TBRG4: variants seen among roughly 807,000 people sequenced by gnomAD.
The protein encoded by TBRG4 is transforming growth factor beta regulator 4, also known as FAST kinase domain-containing protein 4.
In TBRG4, 43 loss-of-function variants were observed where a neutral mutation model predicts 65.6. The ratio of observed to expected loss-of-function variants is 0.66; its 90% CI spans 0.51 to 0.85. TBRG4 has a LOEUF of 0.85. Among genes scored for constraint, TBRG4 ranks in the 40% least tolerant of loss-of-function variants. The pLI, the probability that TBRG4 is intolerant of heterozygous loss-of-function variation, is 0.00. For synonymous variants in TBRG4, 366 were observed against 341.4 expected, an observed-to-expected ratio of 1.07 and a Z score of -0.79; for missense variants, 709 against 787.9, an observed-to-expected ratio of 0.90 and a Z score of 1.20.
intron 5 of TBRG4, 32 bp downstream of exon 5, chr7:45,104,067 C>T (rs1271651670): frequency 6.5e-7 from 1 of 1,548,302 alleles, no homozygotes. Context: ...AGGAAGCCAG[C>T]TTCTCTGAGT....
intron 10 of TBRG4, 99 bp from the exon 11 acceptor site, chr7:45,100,525 C>T: frequency 1.1e-6 from 1 of 912,960 alleles, no homozygotes. Flanking sequence ...GACCCCTCAC[C>T]CAACACCTCT....
chr7:45,106,861 CT>C (rs1730090231), intron 2 of TBRG4: 1 of 152,170 alleles, frequency 6.6e-6, no homozygotes, highest in Non-Finnish European at 1.5e-5. Context: ...AAACTGTTCT[CT>C]AACAAACCAA....
At chr7:45,105,964 C>T (rs756556187) in intron 2 of TBRG4, 200 bp from the exon 3 acceptor site, 54 of 797,760 alleles carry the variant, frequency 6.8e-5, no homozygotes, top group East Asian at 1.7e-4. Context: ...GAGGCCTAGA[C>T]GCTTGGTGTC....
rs772535565 is a variant in TBRG4 at position 45,109,083 on chromosome 7, C to T, written c.155G>A (p.Gly52Asp). Reference sequence around the variant, plus strand: ...CTTCTCCACCGGCTCCATCAAGGAACCTGGGAGGTGGGAAATGGGTGAGGT... The same window carrying T: ...CTTCTCCACCGGCTCCATCAAGGAATCTGGGAGGTGGGAAATGGGTGAGGT... ...SATSPISHLP[G>D]SLMEPVEKER... is the part of the protein sequence containing the mutation. The change falls in exon 2 of 11, where the codon GGT becomes GAT. Residue 52 changes from glycine to aspartate, a missense_variant. Gly to Asp is a moderately conservative substitution (Grantham distance 94, BLOSUM62 -1). Transcript: ENST00000258770. 5.6e-6 allele frequency: 9 copies of T among 1,614,114 alleles called. No individual in the cohort carries two copies. The highest frequency in any genetic ancestry group is 5.0e-5 in the Admixed American group (3 of 60,024).
Position 45,105,810 on chromosome 7 carries a change from C to T in TBRG4, c.412-46G>A, listed in dbSNP as rs151239675. 4 of 1,565,662 alleles carry T rather than the reference C, an allele frequency of 2.6e-6. 1 individual carries two copies. The Admixed American group carries it at 7.1e-5, about 28-fold the overall frequency. Reference sequence around the variant, plus strand: ...GGAGAAATGATGTGGCACTGTCAGTCCTGTGTGTGAGCTGGAGGCTACCTC... The same window carrying T: ...GGAGAAATGATGTGGCACTGTCAGTTCTGTGTGTGAGCTGGAGGCTACCTC... On this transcript the variant is annotated intron_variant, in intron 2 of 10. Coordinates refer to ENST00000258770, the MANE Select transcript of TBRG4 (RefSeq NM_004749.4).
intron 2 of TBRG4, chr7:45,107,901 G>A (rs1423038656): frequency 6.6e-6 from 1 of 152,336 alleles, no homozygotes. Flanking sequence ...ATTATGTACT[G>A]TAACCCCAGT....
chr7:45,103,998 G>C (rs1784853843), intron 5 of TBRG4, 101 bp downstream of exon 5: 1 of 1,410,758 alleles, frequency 7.1e-7, no homozygotes, highest in Admixed American at 2.8e-5. Flanking sequence ...CCCCACAAGT[G>C]AGCATTTTCA....
chr7:45,102,412 A>G lies in TBRG4; in HGVS notation c.1256T>C (p.Leu419Pro). The change falls in exon 7 of 11, where the codon CTG becomes CCG. Residue 419 changes from leucine (L) to proline (P), a missense_variant. Coordinates refer to ENST00000258770, the MANE Select transcript of TBRG4 (RefSeq NM_004749.4). ...CAGCTCTGCTTCCCGTGCCTGCTGC[A>G]GCACACACAGGGCCCACACCAGGTC... Reference protein sequence around the residue: ...QVDLVWALCVLQQAREAELQA... With the variant: ...QVDLVWALCVPQQAREAELQA... 1 of 1,614,022 alleles carries G rather than the reference A, an allele frequency of 6.2e-7. No homozygotes were observed.
At chr7:45,109,321 C>T (rs1785057862) in intron 1 of TBRG4, 34 bp from the exon 2 acceptor site, 1 of 1,483,546 alleles carries the variant, frequency 6.7e-7, no homozygotes, top group Non-Finnish European at 8.9e-7. Context: ...GGGGCTACTA[C>T]AGGGGCAGTT....
intron 1 of TBRG4, among the ~76,000 whole-genome samples, chr7:45,110,419 T>C (rs1004114306): frequency 6.6e-6 from 1 of 152,020 alleles, no homozygotes; most frequent in African/African-American, 2.4e-5. Flanking sequence ...GTAATCCCAG[T>C]ACTTTGGGAG....
Position 45,109,016 on chromosome 7 carries a change from G to A in TBRG4, c.222C>T (p.His74=), listed in dbSNP as rs774700328. ...STPYIEKQVD[H]LIKKATRPEE... ...CTGGCCTTGTGGCCTTCTTGATGAG[G>A]TGGTCCACCTGCTTCTCTATGTAGG... The change falls in exon 2 of 11, where the codon CAC becomes CAT. Residue 74 remains histidine (H), a synonymous_variant. Transcript: ENST00000258770. 1 of 1,611,904 alleles carries A rather than the reference G, an allele frequency of 6.2e-7. No homozygotes were observed. The highest frequency in any genetic ancestry group is 1.7e-5 in the Admixed American group (1 of 59,584).
In TBRG4 at chr7:45,104,248, T is replaced by C. The variant is rs771569133; in HGVS notation, c.916A>G (p.Ser306Gly). Residue 306 changes from serine to glycine, a missense_variant, in exon 5 of 11, where the codon AGC (serine) becomes GGC (glycine). Ser to Gly is a moderately conservative substitution (Grantham distance 56). Transcript: ENST00000258770. ...LDVAYAYGKLSFHQTQVSQRL... is the reference protein window; with the variant it reads ...LDVAYAYGKLGFHQTQVSQRL... ...TGGGACACCTGGGTCTGGTGAAAGCTGAGTTTGCCTTCAGGACAGAGCAGA... is the reference window on the plus strand; with the variant it reads ...TGGGACACCTGGGTCTGGTGAAAGCCGAGTTTGCCTTCAGGACAGAGCAGA... 1 of 1,613,870 alleles carries C rather than the reference T, an allele frequency of 6.2e-7. No individual in the cohort carries two copies.
At position 45,103,423 on chromosome 7, in the gene TBRG4, C is replaced by T. The variant is rs761009248; in HGVS notation, c.1086G>A (p.Gln362=). The T allele has an allele frequency of 6.2e-7, 1 of 1,613,742 alleles. No homozygotes were observed. Among genetic ancestry groups the T allele is most frequent in the Non-Finnish European group, 8.5e-7 (1 of 1,179,846 alleles). The part of the protein sequence containing the change: ...AFAQHVLNRA[Q]DITLPHLCSV... ...TGCACAGGTGGGGCAGGGTGATGTC[C>T]TGCGCTCTGTTCAGGACGTGCTGGG... Residue 362 remains glutamine, a synonymous_variant, in exon 6 of 11, where the codon CAG becomes CAA. Transcript: ENST00000258770.
chr7:45,111,643 G>A lies in TBRG4; in HGVS notation c.-51C>T, dbSNP rs1191727489. 3.1e-6 allele frequency: 4 copies of A among 1,289,400 alleles called. No individual in the cohort carries two copies. Among genetic ancestry groups the A allele is most frequent in the South Asian group, 1.2e-5 (1 of 81,004 alleles). 79.9% of individuals were successfully genotyped at this position (1,289,400 alleles called of 1,614,324 possible). A position where few individuals can be genotyped will look rare whatever the true frequency, so the allele number is the denominator to read the frequency against. On this transcript the variant is annotated splice_region_variant and 5_prime_UTR_variant, in exon 1 of 11. Transcript: ENST00000258770. ...CTTCTCCCCGTGCCACAAGACCTAC[G>A]CAGCGAGCACCACCGCTGACCTCCA...
intron 4 of TBRG4, 37 bp from the exon 5 acceptor site, chr7:45,104,293 A>G (rs6973982): frequency 0.17 from 272,876 of 1,612,114 alleles, 24,948 homozygotes; most frequent in Admixed American, 0.28. Flanking sequence ...TTAGCTGGAG[A>G]GAGTCAGCAA....
At chr7:45,111,449 C>T (rs1254814490) in intron 1 of TBRG4, 194 bp downstream of exon 1, 9 of 526,480 alleles carry the variant, frequency 1.7e-5, no homozygotes, top group South Asian at 6.3e-5. Context: ...CAGGCCTGGC[C>T]GCGCGGGCTA....
Position 45,104,185 on chromosome 7 carries a change from G to A in TBRG4, c.979C>T (p.Leu327=), listed in dbSNP as rs1475858170. ...ATDLLSLMPS[L]TSGEVAHCAK... is the part of the protein sequence containing the mutation. ...CAGTGGGCCACCTCACCAGAAGTCA[G>A]GCTGGGCATGAGGGATAGCAGGTCG... Residue 327 remains leucine (L), a synonymous_variant, in exon 5 of 11, where the codon CTG becomes TTG. Transcript: ENST00000258770. The A allele has an allele frequency of 6.2e-7, 1 of 1,614,038 alleles. No homozygotes were observed. The highest frequency in any genetic ancestry group is 1.3e-5 in the African/African-American group (1 of 74,946).
chr7:45,108,158 T>C (rs1391502763), intron 2 of TBRG4, among the ~76,000 whole-genome samples: 1 of 152,234 alleles, frequency 6.6e-6, no homozygotes, highest in Non-Finnish European at 1.5e-5. Flanking sequence ...GGAAACATGG[T>C]TTCAGTGCCC....
chr7:45,102,142 G>A, intron 7 of TBRG4, 72 bp from the exon 8 acceptor site: 2 of 1,534,818 alleles, frequency 1.3e-6, no homozygotes, highest in Admixed American at 2.2e-5. Context: ...TGAGAGGGCA[G>A]TGCACCCCTA....
Sources: allele counts gnomAD v4.1 joint callset (sites outside exome capture counted in the v4.1 genomes callset), GRCh38; gene constraint gnomAD v4.1.1; transcripts MANE v1.5; gene names NCBI Gene and HGNC (gene_info 2026-07-23, HGNC 2026-07-21).